TWSG1: variants seen among roughly 807,000 people sequenced by gnomAD.
The protein encoded by TWSG1 is twisted gastrulation BMP signaling modulator 1, also known as twisted gastrulation protein homolog 1.
A neutral mutation model predicts 23.0 loss-of-function variants in TWSG1; 15 were observed. The ratio of observed to expected loss-of-function variants is 0.65; its 90% confidence interval spans 0.44 to 1.00. TWSG1 has a LOEUF of 1.00. Ranked by LOEUF, TWSG1 falls within the 50% of genes least tolerant of loss-of-function variation. TWSG1 has a pLI of 0.00. For synonymous variants in TWSG1, 86 were observed against 92.8 expected, an observed-to-expected ratio of 0.93 and a Z score of 0.42; for missense variants, 242 against 278.7, an observed-to-expected ratio of 0.87 and a Z score of 0.94.
chr18:9,383,024 A>G lies in TWSG1; in HGVS notation c.224-13256A>G, dbSNP rs148417671. Among the ~76,000 whole-genome samples, 785 of 152,140 alleles carry G rather than the reference A, an allele frequency of 5.2e-3. 6 individuals carry two copies. Among genetic ancestry groups the G allele is most frequent in the Non-Finnish European group, 8.3e-3 (565 of 67,996 alleles). On this transcript the variant is annotated intron_variant, in intron 3 of 4. Transcript: ENST00000262120. ...AAGTTTGAAGAACAGAAAGACCAGT[A>G]TGGCTAGATGTTTGTAAATAAGGAG...
At chr18:9,398,187 A>G (rs1279177331) in intron 4 of TWSG1, among the ~76,000 whole-genome samples, 2 of 152,164 alleles carry the variant, frequency 1.3e-5, no homozygotes, top group Non-Finnish European at 2.9e-5. Flanking sequence ...TATGGAATGC[A>G]ATAATAATAT....
At chr18:9,343,466 G>T (rs2040457207) in intron 2 of TWSG1, among the ~76,000 whole-genome samples, 1 of 151,636 alleles carries the variant, frequency 6.6e-6, no homozygotes, top group Non-Finnish European at 1.5e-5. Context: ...CCATTTAAGG[G>T]TACAATTGAG....
chr18:9,371,964 A>C (rs1598829343), intron 3 of TWSG1, among the ~76,000 whole-genome samples: 1 of 151,286 alleles, frequency 6.6e-6, no homozygotes, highest in Non-Finnish European at 1.5e-5. Flanking sequence ...ACAGGGATTC[A>C]CTGTGTTGGC....
intron 2 of TWSG1, among the ~76,000 whole-genome samples, chr18:9,340,729 C>T (rs1243451261): frequency 6.6e-6 from 1 of 152,170 alleles, no homozygotes; most frequent in Non-Finnish European, 1.5e-5. Flanking sequence ...TCTGAAACAG[C>T]ACTATAGATA....
At chr18:9,370,154 C>T (rs951545000) in intron 3 of TWSG1, among the ~76,000 whole-genome samples, 2 of 151,996 alleles carry the variant, frequency 1.3e-5, no homozygotes, top group Non-Finnish European at 2.9e-5. Flanking sequence ...CCCGTCCCTA[C>T]TAAAAATACA....
At chr18:9,356,409 A>G (rs1240941485) in intron 2 of TWSG1, among the ~76,000 whole-genome samples, 3 of 152,212 alleles carry the variant, frequency 2.0e-5, no homozygotes, top group Non-Finnish European at 4.4e-5. Context: ...AGTTTAAAAC[A>G]CTTCACAAAT....
chr18:9,346,190 T>G (rs933202958), intron 2 of TWSG1, among the ~76,000 whole-genome samples: 6 of 152,198 alleles, frequency 3.9e-5, no homozygotes, highest in African/African-American at 1.4e-4. Context: ...TGTTTTTTAC[T>G]GTCTCTGTAG....
chr18:9,377,066 A>C (rs1295174543), intron 3 of TWSG1, among the ~76,000 whole-genome samples: 1 of 152,150 alleles, frequency 6.6e-6, no homozygotes, highest in African/African-American at 2.4e-5. Context: ...ACTTTATATA[A>C]GAGACTTGAG....
At chr18:9,371,105 T>C (rs1304056602) in intron 3 of TWSG1, among the ~76,000 whole-genome samples, 5 of 152,102 alleles carry the variant, frequency 3.3e-5, no homozygotes, top group Non-Finnish European at 7.4e-5. Flanking sequence ...CCCTCACTTT[T>C]AGAAATGACA....
intron 2 of TWSG1, among the ~76,000 whole-genome samples, chr18:9,340,663 A>G (rs192375720): frequency 2.6e-5 from 4 of 152,154 alleles, no homozygotes; most frequent in African/African-American, 9.7e-5. Flanking sequence ...GGAAGAGTTC[A>G]TCTCTGTTCC....
intron 2 of TWSG1, among the ~76,000 whole-genome samples, chr18:9,352,933 G>A (rs140577014): frequency 2.8e-4 from 43 of 152,328 alleles, no homozygotes; most frequent in African/African-American, 9.9e-4. Context: ...ATGGCACTGT[G>A]TAACAACATT....
chr18:9,372,303 A>G (rs2040609560), intron 3 of TWSG1, among the ~76,000 whole-genome samples: 1 of 151,294 alleles, frequency 6.6e-6, no homozygotes, highest in African/African-American at 2.4e-5. Context: ...GATACAGTTT[A>G]ATTTATAAAT....
intron 4 of TWSG1, among the ~76,000 whole-genome samples, chr18:9,398,500 C>A (rs973600790): frequency 6.6e-6 from 1 of 152,016 alleles, no homozygotes; most frequent in Non-Finnish European, 1.5e-5. Context: ...TCTTGTTGCC[C>A]AGGCTGGAGT....
At chr18:9,346,555 T>A (rs1598821221) in intron 2 of TWSG1, among the ~76,000 whole-genome samples, 1 of 151,700 alleles carries the variant, frequency 6.6e-6, no homozygotes, top group Admixed American at 6.6e-5. Flanking sequence ...GGCAGGAGGG[T>A]CCCTTGAGGC....
At chr18:9,388,829 A>G (rs776904904) in intron 3 of TWSG1, among the ~76,000 whole-genome samples, 1 of 152,186 alleles carries the variant, frequency 6.6e-6, no homozygotes, top group Non-Finnish European at 1.5e-5. Flanking sequence ...GACTGGGACT[A>G]CAGATGTGTG....
At chr18:9,345,154 A>G (rs2040471291) in intron 2 of TWSG1, among the ~76,000 whole-genome samples, 1 of 152,172 alleles carries the variant, frequency 6.6e-6, no homozygotes, top group Admixed American at 6.5e-5. Flanking sequence ...TGTCAGATAC[A>G]TTATTTGCAA....
intron 4 of TWSG1, 47 bp from the exon 5 acceptor site, chr18:9,399,299 T>C: frequency 7.2e-7 from 1 of 1,396,678 alleles, no homozygotes. Context: ...TTTATTTTTT[T>C]GTTTTTCTTC....
Position 9,396,520 on chromosome 18 carries a change from T to G in TWSG1, c.464T>G (p.Val155Gly), listed in dbSNP as rs762444456. The change falls in exon 4 of 5, where the codon GTT (valine) becomes GGT (glycine). Residue 155 changes from valine (V) to glycine (G), a missense_variant. Transcript: ENST00000262120. ...AATGTGTCTGTCCCCAGCAATAATG[T>G]TCACGCGCCTTATTCCAGTGACAAA... The part of the protein sequence containing the change: ...HQNVSVPSNN[V>G]HAPYSSDKEH... The G allele has an allele frequency of 6.2e-7, 1 of 1,613,162 alleles. No homozygotes were observed. The highest frequency in any genetic ancestry group is 2.2e-5 in the East Asian group (1 of 44,884).
intron 2 of TWSG1, among the ~76,000 whole-genome samples, chr18:9,354,326 T>C (rs1250403379): frequency 6.6e-6 from 1 of 152,160 alleles, no homozygotes; most frequent in Non-Finnish European, 1.5e-5. Flanking sequence ...TTAAGGACTT[T>C]GGGGGAGGTG....
Sources: allele counts gnomAD v4.1 joint callset (sites outside exome capture counted in the v4.1 genomes callset), GRCh38; gene constraint gnomAD v4.1.1; transcripts MANE v1.5; gene names NCBI Gene and HGNC (gene_info 2026-07-23, HGNC 2026-07-21).